ADAMTS6: variants seen among roughly 807,000 people sequenced by gnomAD.
ADAMTS6 encodes ADAM metallopeptidase with thrombospondin type 1 motif 6, also known as A disintegrin and metalloproteinase with thrombospondin motifs 6.
A neutral mutation model predicts 144.3 loss-of-function variants in ADAMTS6; 23 were observed. The ratio of observed to expected loss-of-function variants is 0.16; its 90% confidence interval spans 0.11 to 0.23. The LOEUF is 0.23. Among genes scored for constraint, ADAMTS6 ranks in the 10% least tolerant of loss-of-function variants. The pLI is 1.00. For synonymous variants in ADAMTS6, 444 were observed against 457.5 expected, an observed-to-expected ratio of 0.97 and a Z score of 0.38; for missense variants, 999 against 1,379.6, an observed-to-expected ratio of 0.72 and a Z score of 4.37.
intron 7 of ADAMTS6, among the ~76,000 whole-genome samples, chr5:65,411,704 G>A (rs1401098833): frequency 6.6e-6 from 1 of 152,052 alleles, no homozygotes; most frequent in African/African-American, 2.4e-5. Flanking sequence ...GTGTATAAAG[G>A]GAAGGAGGAA....
intron 8 of ADAMTS6, 72 bp from the exon 9 acceptor site, chr5:65,329,555 T>C: frequency 7.6e-7 from 1 of 1,314,288 alleles, no homozygotes; most frequent in Non-Finnish European, 1.0e-6. Flanking sequence ...TATTTATAAA[T>C]GCCTGGATTC....
intron 20 of ADAMTS6, among the ~76,000 whole-genome samples, chr5:65,203,880 G>A (rs1259395262): frequency 6.6e-6 from 1 of 152,144 alleles, no homozygotes; most frequent in Non-Finnish European, 1.5e-5. Context: ...AGTGAAACAT[G>A]ACCTGTGATA....
At chr5:65,276,229 G>A (rs1036201852) in intron 11 of ADAMTS6, among the ~76,000 whole-genome samples, 1 of 152,140 alleles carries the variant, frequency 6.6e-6, no homozygotes, top group Non-Finnish European at 1.5e-5. Flanking sequence ...TTGAAAACTA[G>A]ATCTCCACTT....
intron 7 of ADAMTS6, among the ~76,000 whole-genome samples, chr5:65,342,251 G>T (rs1000889958): frequency 7.9e-5 from 12 of 152,114 alleles, no homozygotes; most frequent in African/African-American, 2.9e-4. Flanking sequence ...AAAAAAAGAG[G>T]TTTAATGGAC....
intron 7 of ADAMTS6, among the ~76,000 whole-genome samples, chr5:65,380,409 T>C (rs1046846581): frequency 2.2e-4 from 33 of 150,088 alleles, no homozygotes; most frequent in Admixed American, 2.1e-3. Context: ...CCATCTCTAC[T>C]AAAAAAAAAT....
intron 7 of ADAMTS6, among the ~76,000 whole-genome samples, chr5:65,413,248 C>G (rs1755214371): frequency 6.6e-6 from 1 of 152,088 alleles, no homozygotes; most frequent in Admixed American, 6.6e-5. Flanking sequence ...CTATGCTTTT[C>G]TAAATTTCTT....
intron 7 of ADAMTS6, among the ~76,000 whole-genome samples, chr5:65,357,117 A>G (rs906418685): frequency 1.6e-4 from 25 of 151,824 alleles, no homozygotes; most frequent in Non-Finnish European, 5.9e-5. Context: ...AAACTACTTC[A>G]TGTGTATCAA....
chr5:65,465,591 C>T (rs144601294), intron 3 of ADAMTS6, among the ~76,000 whole-genome samples: 1 of 152,186 alleles, frequency 6.6e-6, no homozygotes, highest in Non-Finnish European at 1.5e-5. Context: ...CCATTTTAAA[C>T]CTACTCCAAT....
At chr5:65,398,360 C>T (rs534483708) in intron 7 of ADAMTS6, among the ~76,000 whole-genome samples, 1 of 152,300 alleles carries the variant, frequency 6.6e-6, no homozygotes, top group Admixed American at 6.5e-5. Flanking sequence ...AGAACTGACT[C>T]CTTTATCATT....
chr5:65,434,760 A>T (rs190576451), intron 7 of ADAMTS6, among the ~76,000 whole-genome samples: 1 of 152,348 alleles, frequency 6.6e-6, no homozygotes, highest in East Asian at 1.9e-4. Context: ...AAGCTGGGAC[A>T]AACTGGAACT....
intron 14 of ADAMTS6, among the ~76,000 whole-genome samples, chr5:65,243,054 T>C (rs1487500632): frequency 6.6e-6 from 1 of 152,090 alleles, no homozygotes; most frequent in Non-Finnish European, 1.5e-5. Context: ...ATAAAGCTCA[T>C]AGTGTTTGAG....
At chr5:65,166,957 A>T (rs945988272) in intron 24 of ADAMTS6, among the ~76,000 whole-genome samples, 3 of 145,782 alleles carry the variant, frequency 2.1e-5, no homozygotes, top group African/African-American at 7.6e-5. Context: ...ACACCCTAAC[A>T]TCACAATTAA....
chr5:65,250,558 CA>C (rs1194933050), intron 14 of ADAMTS6, among the ~76,000 whole-genome samples: 3 of 152,208 alleles, frequency 2.0e-5, no homozygotes, highest in African/African-American at 7.2e-5. Context: ...GAACAGACCA[CA>C]GATGACCTGG....
chr5:65,238,398 T>C (rs1343056670), intron 15 of ADAMTS6, among the ~76,000 whole-genome samples: 4 of 151,452 alleles, frequency 2.6e-5, no homozygotes, highest in African/African-American at 9.7e-5. Context: ...AGTCCAGGAG[T>C]TGGAGACCAA....
In ADAMTS6 at chr5:65,420,610, A is replaced by G. The variant is rs552962416; in HGVS notation, c.1073+30865T>C. Among the ~76,000 whole-genome samples the G allele has an allele frequency of 1.8e-4, 28 of 152,202 alleles. No individual in the cohort carries two copies. In the South Asian group the frequency reaches 5.4e-3, roughly 29 times the overall value. On this transcript the variant is annotated intron_variant, in intron 7 of 24. Coordinates refer to ENST00000381055, the MANE Select transcript of ADAMTS6 (RefSeq NM_197941.4). The stretch of plus-strand genomic sequence containing the variant: ...TGGTCAGGCTGGTCTGAAACTCCCA[A>G]CCTCAGGTGATCCATCTGCCTTGGC...
At chr5:65,275,360 AAAG>A (rs1561363884) in intron 11 of ADAMTS6, among the ~76,000 whole-genome samples, 2 of 41,764 alleles carry the variant, frequency 4.8e-5, no homozygotes, top group African/African-American at 9.1e-5. Flanking sequence ...GAAGAGAAAG[AAAG>A]AAAGAAAGAA....
At chr5:65,300,470 TCA>T (rs35099906) in intron 9 of ADAMTS6, among the ~76,000 whole-genome samples, 93 of 152,320 alleles carry the variant, frequency 6.1e-4, no homozygotes, top group Non-Finnish European at 1.0e-3. Flanking sequence ...CTGCTAAAGA[TCA>T]CACAGTTTGT....
intron 7 of ADAMTS6, among the ~76,000 whole-genome samples, chr5:65,373,501 A>C (rs1375179325): frequency 6.6e-6 from 1 of 151,044 alleles, no homozygotes; most frequent in Non-Finnish European, 1.5e-5. Flanking sequence ...TAAACTAGAA[A>C]ATCTAGAAGA....
intron 14 of ADAMTS6, among the ~76,000 whole-genome samples, chr5:65,259,203 GTATA>G (rs78132452): frequency 0.51 from 75,806 of 147,496 alleles, 19,157 homozygotes; most frequent in Admixed American, 0.54. Context: ...ACTAAAAAGT[GTATA>G]TATATATATA....
Sources: allele counts gnomAD v4.1 joint callset (sites outside exome capture counted in the v4.1 genomes callset), GRCh38; gene constraint gnomAD v4.1.1; transcripts MANE v1.5; gene names NCBI Gene and HGNC (gene_info 2026-07-23, HGNC 2026-07-21).